Variants in CTPS2 observed in about 807,000 individuals in gnomAD.
CTPS2 encodes CTP synthase II.
CTPS2 carries 19 observed loss-of-function variants against 46.8 expected under a neutral mutation model. That is an observed-to-expected ratio of 0.41 (90% CI 0.28 to 0.60). The LOEUF is 0.60. Among genes scored for constraint, CTPS2 ranks in the 20% least tolerant of loss-of-function variants. CTPS2 has a pLI of 0.35. For synonymous variants in CTPS2, 151 were observed against 165.2 expected (o/e 0.91, Z 0.66); for missense variants, 286 against 447.6 (o/e 0.64, Z 3.26).
intron 16 of CTPS2, among the ~76,000 whole-genome samples, chrX:16,610,271 T>C (rs1930197161): frequency 8.9e-6 from 1 of 111,750 alleles, no homozygotes; most frequent in South Asian, 3.7e-4. Flanking sequence ...TCAAATATCC[T>C]GTCCCTGGCT....
intron 13 of CTPS2, among the ~76,000 whole-genome samples, chrX:16,640,621 G>A (rs141231453): frequency 0.021 from 2,391 of 111,715 alleles, 36 homozygotes; most frequent in Non-Finnish European, 0.03. Context: ...GGTGAGTCTC[G>A]TAATTCATCT....
rs1185799196 is a variant in CTPS2, at chrX:16,672,881, CTTTTTTTTTT to C, written c.1095-2217_1095-2208del. ...GGTAAAAAGGATTTGTGAGGCTACT[CTTTTTTTTTT>C]TTTTTTTTTTTTTGAGACGGAGTCT... On this transcript the variant is annotated intron_variant, in intron 10 of 18. Transcript: ENST00000359276. 5.6e-3 allele frequency among the ~76,000 whole-genome samples: 391 copies of C among 69,576 alleles called. 3 individuals are homozygous for C. Among genetic ancestry groups the C allele is most frequent in the African/African-American group, 0.024 (359 of 14,852 alleles). 60.4% of individuals were successfully genotyped at this position (69,576 alleles called of 115,157 possible).
chrX:16,705,656 G>C (rs1477376840), intron 1 of CTPS2, among the ~76,000 whole-genome samples: 3 of 111,847 alleles, frequency 2.7e-5, no homozygotes, highest in Non-Finnish European at 3.8e-5. Flanking sequence ...CCTTCAGAGT[G>C]CCTGCCTCTG....
At chrX:16,685,686 A>G (rs1286112926) in intron 8 of CTPS2, among the ~76,000 whole-genome samples, 1 of 103,902 alleles carries the variant, frequency 9.6e-6, no homozygotes. Context: ...GTGAAACCCC[A>G]TCTCTACTAA....
At chrX:16,618,599 T>C (rs1196956138) in intron 15 of CTPS2, among the ~76,000 whole-genome samples, 1 of 111,724 alleles carries the variant, frequency 9.0e-6, no homozygotes, top group Non-Finnish European at 1.9e-5. Flanking sequence ...CCACATCCTC[T>C]CCACTACTTG....
intron 14 of CTPS2, among the ~76,000 whole-genome samples, chrX:16,629,742 T>G (rs1389719776): frequency 8.9e-6 from 1 of 111,973 alleles, no homozygotes; most frequent in Non-Finnish European, 1.9e-5. Context: ...TTCTTTCAGC[T>G]CTTTCAAATT....
chrX:16,684,965 C>T (rs1012079694), intron 8 of CTPS2, among the ~76,000 whole-genome samples: 5 of 111,304 alleles, frequency 4.5e-5, no homozygotes, highest in African/African-American at 1.6e-4. Context: ...GTGGTGCACG[C>T]CTGTAGTTCC....
intron 13 of CTPS2, among the ~76,000 whole-genome samples, chrX:16,647,252 A>ATTTTTTTTTTTT (rs1932363451): frequency 1.9e-5 from 1 of 53,799 alleles, no homozygotes; most frequent in African/African-American, 8.1e-5. Flanking sequence ...CATTGGGCCC[A>ATTTTTTTTTTTT]TTCTTTTTTT....
chrX:16,592,514 C>G (rs774236873), intron 17 of CTPS2, among the ~76,000 whole-genome samples: 4 of 111,488 alleles, frequency 3.6e-5, no homozygotes, highest in Non-Finnish European at 7.5e-5. Context: ...TGCTGGCCTC[C>G]GTGCTTGAGA....
intron 14 of CTPS2, among the ~76,000 whole-genome samples, chrX:16,621,446 T>TATAATAATAATAATA (rs10666371): frequency 1.9e-5 from 2 of 102,862 alleles, no homozygotes; most frequent in African/African-American, 7.1e-5. Context: ...GAACTTAAAG[T>TATAATAATAATAATA]ATAATAATAA....
intron 13 of CTPS2, among the ~76,000 whole-genome samples, chrX:16,651,918 G>C (rs1038066317): frequency 9.1e-6 from 1 of 110,418 alleles, no homozygotes; most frequent in Admixed American, 9.7e-5. Context: ...GGGCCATGGC[G>C]ACCCATACAG....
chrX:16,593,226 G>A (rs746166616), intron 17 of CTPS2, among the ~76,000 whole-genome samples: 2 of 111,065 alleles, frequency 1.8e-5, no homozygotes, highest in South Asian at 3.8e-4. Flanking sequence ...TCAGGAGATC[G>A]AGATCATCCT....
At chrX:16,709,872 A>AAAAAAAAT in intron 1 of CTPS2, among the ~76,000 whole-genome samples, 1 of 108,027 alleles carries the variant, frequency 9.3e-6, no homozygotes, top group Non-Finnish European at 1.9e-5. Context: ...AAAAAAAAAA[A>AAAAAAAAT]ACAGATTTCT....
At chrX:16,684,012 T>C (rs1027021924) in intron 8 of CTPS2, among the ~76,000 whole-genome samples, 1 of 111,729 alleles carries the variant, frequency 9.0e-6, no homozygotes, top group African/African-American at 3.3e-5. Flanking sequence ...CTCGATCACA[T>C]TTTACCATTA....
At chrX:16,676,236 G>T (rs1922258554) in intron 10 of CTPS2, among the ~76,000 whole-genome samples, 2 of 112,200 alleles carry the variant, frequency 1.8e-5, no homozygotes, top group South Asian at 7.4e-4. Flanking sequence ...AACTTGAATT[G>T]TAAAGCCAAT....
chrX:16,639,834 A>AAGAAAG (rs1367046652), intron 13 of CTPS2, among the ~76,000 whole-genome samples: 1 of 109,353 alleles, frequency 9.1e-6, no homozygotes, highest in Non-Finnish European at 1.9e-5. Flanking sequence ...AGAAAGAAGA[A>AAGAAAG]AAGAAAAGGA....
At chrX:16,654,670 C>T (rs1279047828) in intron 13 of CTPS2, 1 of 328,048 alleles carries the variant, frequency 3.0e-6, no homozygotes, top group East Asian at 4.8e-5. Context: ...ATTAGACATA[C>T]CTTACTTTGT....
At chrX:16,635,636 T>C (rs1931706509) in intron 14 of CTPS2, among the ~76,000 whole-genome samples, 1 of 112,100 alleles carries the variant, frequency 8.9e-6, no homozygotes, top group Non-Finnish European at 1.9e-5. Flanking sequence ...ATCACACCAC[T>C]GCACTCCAAC....
intron 14 of CTPS2, among the ~76,000 whole-genome samples, chrX:16,627,373 G>A (rs6632856): frequency 0.19 from 21,465 of 111,526 alleles, 1,701 homozygotes; most frequent in Middle Eastern, 0.29. Context: ...CAGAGTGCTG[G>A]CAAACACACA....
Sources: gnomAD v4.1 joint callset for allele counts (sites outside exome capture counted in the v4.1 genomes callset) on GRCh38, gnomAD v4.1.1 for gene constraint, MANE v1.5 for transcripts, NCBI Gene and HGNC (gene_info 2026-07-23, HGNC 2026-07-21) for gene names.